Variants in IMMP2L observed in about 807,000 individuals in gnomAD.
The protein encoded by IMMP2L is mitochondrial inner membrane protease subunit 2.
Under a neutral mutation model 19.3 loss-of-function variants are expected in IMMP2L, and 18 were observed. That is an observed-to-expected ratio of 0.93 (90% CI 0.64 to 1.38). The LOEUF is 1.38. Ranked by LOEUF, IMMP2L falls within the 40% of genes most tolerant of loss-of-function variation. IMMP2L has a pLI of 0.00. For synonymous variants in IMMP2L, 76 were observed against 73.0 expected (o/e 1.04, Z -0.21); for missense variants, 233 against 218.2 (o/e 1.07, Z -0.43).
At chr7:110,669,052 CGTGTGTGTGTGTGTGTGTGTGTGTGT>C (rs1165734674) in intron 5 of IMMP2L, among the ~76,000 whole-genome samples, 1 of 65,272 alleles carries the variant, frequency 1.5e-5, no homozygotes, top group African/African-American at 5.0e-5. Flanking sequence ...TGTGTGTGTG[CGTGTGTGTGTGTGTGTGTGTGTGTGT>C]GTGTGTGTGT....
chr7:111,219,564 G>A (rs939090716), intron 3 of IMMP2L, among the ~76,000 whole-genome samples: 1 of 151,884 alleles, frequency 6.6e-6, no homozygotes, highest in Non-Finnish European at 1.5e-5. Context: ...AATTAAGTGA[G>A]TCTCTATTTT....
At chr7:110,738,394 A>G (rs902682887) in intron 5 of IMMP2L, among the ~76,000 whole-genome samples, 15 of 152,328 alleles carry the variant, frequency 9.8e-5, no homozygotes, top group African/African-American at 3.1e-4. Context: ...AATCAAGGGC[A>G]CACTTAGAGA....
chr7:111,017,960 T>C (rs1825875298), intron 3 of IMMP2L, among the ~76,000 whole-genome samples: 1 of 152,224 alleles, frequency 6.6e-6, no homozygotes, highest in South Asian at 2.1e-4. Context: ...AACAACACTT[T>C]TTGGACAAAC....
At position 111,487,314 on chromosome 7, in the gene IMMP2L, A is replaced by G. The variant is rs777771946; in HGVS notation, c.163T>C (p.Ser55Pro). 1 of 1,608,438 alleles carries G rather than the reference A, an allele frequency of 6.2e-7. No homozygotes were observed. Among genetic ancestry groups the G allele is most frequent in the Non-Finnish European group, 8.5e-7 (1 of 1,174,914 alleles). ...QPSLNPGGSQ[S>P]SDVVLLNHWK... ...TGGTTCAAAAGCACCACATCAGATG[A>G]CTGGCTCCCCCCAGGATTCAAAGAA... Residue 55 changes from serine (S) to proline (P), a missense_variant, in exon 3 of 6, where the codon TCA becomes CCA. Transcript: ENST00000405709.
chr7:111,512,432 G>A (rs899917012), intron 2 of IMMP2L, among the ~76,000 whole-genome samples: 3 of 151,752 alleles, frequency 2.0e-5, no homozygotes, highest in African/African-American at 4.9e-5. Flanking sequence ...TTTTAAAACC[G>A]GGTTATGGTA....
intron 3 of IMMP2L, among the ~76,000 whole-genome samples, chr7:111,377,126 T>C (rs1366415506): frequency 1.3e-5 from 2 of 151,804 alleles, no homozygotes; most frequent in Non-Finnish European, 2.9e-5. Context: ...ATAGTATATA[T>C]AGTTATTTTC....
At chr7:111,274,354 A>C (rs1345752925) in intron 3 of IMMP2L, among the ~76,000 whole-genome samples, 1 of 152,182 alleles carries the variant, frequency 6.6e-6, no homozygotes, top group Non-Finnish European at 1.5e-5. Flanking sequence ...TTTTACAGTA[A>C]CTGAAGAGAA....
At position 111,171,922 on chromosome 7, in the gene IMMP2L, G is replaced by GA. The variant is rs1038707214; in HGVS notation, c.240-208358_240-208357insT. On this transcript the variant is annotated intron_variant, in intron 3 of 5. Transcript: ENST00000405709. ...GGGGCTAAGTAATAAGATGTGGTTA[G>GA]GGGTGAAGAAAGGAATAACTTGAAA... is the stretch of plus-strand genomic sequence containing the variant. Among the ~76,000 whole-genome samples, 11 of 15,760 alleles carry GA rather than the reference G, an allele frequency of 7.0e-4. No homozygotes were observed. The South Asian group carries it at 0.043, about 61-fold the overall frequency. 10.3% of individuals were successfully genotyped at this position (15,760 alleles called of 152,430 possible). A position where few individuals can be genotyped will look rare whatever the true frequency, so the allele number is the denominator to read the frequency against.
intron 3 of IMMP2L, among the ~76,000 whole-genome samples, chr7:111,196,113 A>G (rs1308509133): frequency 4.6e-5 from 7 of 152,158 alleles, no homozygotes; most frequent in African/African-American, 1.4e-4. Flanking sequence ...GGATCATGCA[A>G]TCCTCCCACA....
At chr7:111,327,286 A>T (rs1825421587) in intron 3 of IMMP2L, among the ~76,000 whole-genome samples, 1 of 151,888 alleles carries the variant, frequency 6.6e-6, no homozygotes, top group Non-Finnish European at 1.5e-5. Flanking sequence ...TCAGTTAAGC[A>T]AGATAATAAT....
Position 111,142,142 on chromosome 7 carries a change from A to G in IMMP2L, c.240-178577T>C, listed in dbSNP as rs540301625. 1.2e-4 allele frequency among the ~76,000 whole-genome samples: 18 copies of G among 152,226 alleles called. No individual in the cohort carries two copies. In the East Asian group the frequency reaches 3.3e-3, roughly 28 times the overall value. ...GGAGTGCGAGACCAGCCTGGCCAAC[A>G]TGGTGAAACCTCATCTCTACTAAAA... is the stretch of plus-strand genomic sequence containing the variant. On this transcript the variant is annotated intron_variant, in intron 3 of 5. Transcript: ENST00000405709.
chr7:111,477,126 T>C (rs1040844429), intron 3 of IMMP2L, among the ~76,000 whole-genome samples: 1 of 152,196 alleles, frequency 6.6e-6, no homozygotes, highest in African/African-American at 2.4e-5. Flanking sequence ...ACAGATCACG[T>C]TGTTCAAACT....
chr7:110,817,873 T>C (rs1802674273), intron 5 of IMMP2L, among the ~76,000 whole-genome samples: 1 of 152,188 alleles, frequency 6.6e-6, no homozygotes, highest in Admixed American at 6.5e-5. Context: ...ATGGATTTCC[T>C]ATTTAATAAA....
At chr7:111,318,542 A>G (rs1188361876) in intron 3 of IMMP2L, among the ~76,000 whole-genome samples, 1 of 152,138 alleles carries the variant, frequency 6.6e-6, no homozygotes, top group Non-Finnish European at 1.5e-5. Context: ...TCTGAACATG[A>G]CTAAACCCTA....
At chr7:110,896,777 G>A (rs1242394385) in intron 4 of IMMP2L, among the ~76,000 whole-genome samples, 1 of 151,580 alleles carries the variant, frequency 6.6e-6, no homozygotes, top group East Asian at 1.9e-4. Flanking sequence ...TAGTATGATA[G>A]TTATATAGGG....
chr7:111,152,817 A>G (rs1016988191), intron 3 of IMMP2L, among the ~76,000 whole-genome samples: 3 of 152,120 alleles, frequency 2.0e-5, no homozygotes, highest in African/African-American at 4.8e-5. Flanking sequence ...ATTATTATCT[A>G]TCTCTACTGA....
At chr7:110,986,758 T>G (rs560685151) in intron 3 of IMMP2L, among the ~76,000 whole-genome samples, 1 of 151,950 alleles carries the variant, frequency 6.6e-6, no homozygotes, top group African/African-American at 2.4e-5. Flanking sequence ...ACAAGATCTT[T>G]AACACCCCTC....
At chr7:110,858,835 T>A (rs1807082215) in intron 5 of IMMP2L, among the ~76,000 whole-genome samples, 1 of 151,868 alleles carries the variant, frequency 6.6e-6, no homozygotes. Flanking sequence ...TTCCCACCTG[T>A]GAGTGAGAAC....
chr7:110,991,861 T>A (rs985219178), intron 3 of IMMP2L, among the ~76,000 whole-genome samples: 25 of 152,154 alleles, frequency 1.6e-4, no homozygotes, highest in African/African-American at 6.0e-4. Context: ...CTTCTGCACC[T>A]GGTTGACCTA....
Sources: allele counts gnomAD v4.1 joint callset (sites outside exome capture counted in the v4.1 genomes callset), GRCh38; gene constraint gnomAD v4.1.1; transcripts MANE v1.5; gene names NCBI Gene and HGNC (gene_info 2026-07-23, HGNC 2026-07-21).